Variants in PCDHA10 observed in about 807,000 individuals in gnomAD.
PCDHA10 encodes protocadherin alpha-10.
In PCDHA10, 45 loss-of-function variants were observed where a neutral mutation model predicts 61.2. That is an observed-to-expected ratio of 0.74 (90% CI 0.58 to 0.94). The LOEUF is 0.94. Among genes scored for constraint, PCDHA10 ranks in the 40% least tolerant of loss-of-function variants. PCDHA10 has a pLI of 0.00. For synonymous variants in PCDHA10, 602 were observed against 548.8 expected, an observed-to-expected ratio of 1.10 and a Z score of -1.35; for missense variants, 1,278 against 1,236.2, an observed-to-expected ratio of 1.03 and a Z score of -0.51.
intron 1 of PCDHA10, among the ~76,000 whole-genome samples, chr5:140,942,021 A>C (rs2093219800): frequency 6.6e-6 from 1 of 152,198 alleles, no homozygotes; most frequent in South Asian, 2.1e-4. Context: ...TTTTGGGAAA[A>C]AATAATTCAT....
At chr5:140,860,216 T>C (rs1554153148) in intron 1 of PCDHA10, 2 of 150,242 alleles carry the variant, frequency 1.3e-5, no homozygotes, top group South Asian at 2.1e-4. Flanking sequence ...TATGTACTTA[T>C]GTATATATAA....
At chr5:141,008,923 C>T (rs2098394604) in intron 3 of PCDHA10, among the ~76,000 whole-genome samples, 1 of 152,160 alleles carries the variant, frequency 6.6e-6, no homozygotes. Flanking sequence ...ATTTATTCAG[C>T]TAATTTTTCT....
intron 1 of PCDHA10, among the ~76,000 whole-genome samples, chr5:140,905,599 G>A (rs782355615): frequency 2.0e-5 from 3 of 152,096 alleles, no homozygotes; most frequent in Non-Finnish European, 2.9e-5. Context: ...GCTGGGAATT[G>A]CATTGAATCT....
At chr5:140,967,980 A>C in intron 1 of PCDHA10, 1 of 1,614,198 alleles carries the variant, frequency 6.2e-7, no homozygotes, top group South Asian at 1.1e-5. Context: ...CTGGGTCTGG[A>C]GGCCACACTG....
intron 2 of PCDHA10, 165 bp downstream of exon 2, chr5:140,979,172 G>A (rs1406119348): frequency 2.1e-6 from 2 of 959,890 alleles, no homozygotes; most frequent in Admixed American, 1.2e-4. Context: ...TTGAAAGATC[G>A]CAAATGGTCA....
intron 1 of PCDHA10, among the ~76,000 whole-genome samples, chr5:140,915,001 AGT>A (rs1563002922): frequency 6.9e-6 from 1 of 144,988 alleles, no homozygotes; most frequent in Non-Finnish European, 1.5e-5. Flanking sequence ...GCTGGAGTGC[AGT>A]GGCCTGATCT....
Position 140,857,340 on chromosome 5 carries a change from C to T in PCDHA10, c.1292C>T (p.Ser431Leu), listed in dbSNP as rs782392001. ...ELVVTARDGG[S>L]PPLWATASVS... ...GTGGTGACCGCGCGGGACGGGGGCTCGCCTCCGCTGTGGGCCACGGCCAGC... is the reference window on the plus strand; with the variant it reads ...GTGGTGACCGCGCGGGACGGGGGCTTGCCTCCGCTGTGGGCCACGGCCAGC... The change falls in exon 1 of 4, where the codon TCG (serine) becomes TTG (leucine). Residue 431 changes from serine to leucine, a missense_variant. Physicochemically the swap from Ser to Leu is moderately radical, Grantham distance 145. Coordinates refer to ENST00000307360, the MANE Select transcript of PCDHA10 (RefSeq NM_018901.4). 2.5e-6 allele frequency: 4 copies of T among 1,598,236 alleles called. 1 individual carries two copies. Among genetic ancestry groups the T allele is most frequent in the Non-Finnish European group, 2.6e-6 (3 of 1,167,864 alleles).
At chr5:140,959,935 T>C (rs2095518080) in intron 1 of PCDHA10, among the ~76,000 whole-genome samples, 2 of 152,178 alleles carry the variant, frequency 1.3e-5, no homozygotes, top group African/African-American at 4.8e-5. Context: ...CCCCATTACT[T>C]AGGCAGAATA....
chr5:140,929,499 C>G, intron 1 of PCDHA10: 1 of 980,264 alleles, frequency 1.0e-6, no homozygotes, highest in South Asian at 3.1e-5. Flanking sequence ...GAAGATTGCC[C>G]TAGGCCTCAA....
intron 1 of PCDHA10, among the ~76,000 whole-genome samples, chr5:140,943,312 A>G (rs1229555554): frequency 1.3e-5 from 2 of 150,890 alleles, no homozygotes; most frequent in African/African-American, 2.4e-5. Context: ...AGTCATTATT[A>G]GCAATATTGT....
intron 2 of PCDHA10, among the ~76,000 whole-genome samples, chr5:140,979,939 T>A (rs2096870929): frequency 6.6e-6 from 1 of 152,210 alleles, no homozygotes; most frequent in African/African-American, 2.4e-5. Context: ...ATGTGTAGAG[T>A]TAATGTGAAA....
intron 1 of PCDHA10, among the ~76,000 whole-genome samples, chr5:140,971,158 C>T (rs1554233066): frequency 6.6e-6 from 1 of 152,172 alleles, no homozygotes; most frequent in African/African-American, 2.4e-5. Context: ...AGGCCAGGCT[C>T]AGCTTTGCCA....
At chr5:140,891,644 T>C (rs1554184907) in intron 1 of PCDHA10, among the ~76,000 whole-genome samples, 1 of 152,246 alleles carries the variant, frequency 6.6e-6, no homozygotes, top group Non-Finnish European at 1.5e-5. Context: ...TGGGCTTTAT[T>C]GTGGATAGTT....
At position 141,006,497 on chromosome 5, in the gene PCDHA10, G is replaced by C. The variant is rs575942325; in HGVS notation, c.2537-3130G>C. Among the ~76,000 whole-genome samples the C allele has an allele frequency of 2.6e-5, 4 of 152,288 alleles. No homozygotes were observed. In the South Asian group the frequency reaches 8.3e-4, roughly 32 times the overall value. ...CAAAGTGCTGGGATTACATGTGTGA[G>C]CCACCGCGCCTGGCTGTTATACATC... On this transcript the variant is annotated intron_variant, in intron 3 of 3. Transcript: ENST00000307360.
chr5:140,876,258 C>G lies in PCDHA10; in HGVS notation c.2388+17822C>G, dbSNP rs782047443. ...ATGTCCAAAACGACACAAGAGTGAT[C>G]CAACTAAATGCTTCCGATCCAGACG... On this transcript the variant is annotated intron_variant, in intron 1 of 3. Coordinates refer to ENST00000307360, the MANE Select transcript of PCDHA10 (RefSeq NM_018901.4). 4 of 1,613,968 alleles carry G rather than the reference C, an allele frequency of 2.5e-6. No homozygotes were observed. The East Asian group carries it at 8.9e-5, about 36-fold the overall frequency.
At chr5:140,958,133 G>T (rs1472500802) in intron 1 of PCDHA10, among the ~76,000 whole-genome samples, 2 of 152,046 alleles carry the variant, frequency 1.3e-5, no homozygotes, top group East Asian at 3.8e-4. Flanking sequence ...ATGTATCAGT[G>T]TGTATATTTA....
At chr5:140,883,471 C>G (rs781812025) in intron 1 of PCDHA10, 4 of 1,614,182 alleles carry the variant, frequency 2.5e-6, no homozygotes, top group Non-Finnish European at 3.4e-6. Flanking sequence ...TGTCCACCTA[C>G]AAGAACTACT....
chr5:140,954,978 A>C (rs1268797182), intron 1 of PCDHA10, among the ~76,000 whole-genome samples: 2 of 152,176 alleles, frequency 1.3e-5, no homozygotes, highest in African/African-American at 4.8e-5. Context: ...GTCCAGTTTC[A>C]ATTTTCTGCA....
At chr5:140,930,413 G>A (rs1461655739) in intron 1 of PCDHA10, 1 of 151,722 alleles carries the variant, frequency 6.6e-6, no homozygotes, top group Non-Finnish European at 1.5e-5. Flanking sequence ...TTTGAGACAG[G>A]GGTCTCACTA....
Sources: gnomAD v4.1 joint callset for allele counts (sites outside exome capture counted in the v4.1 genomes callset) on GRCh38, gnomAD v4.1.1 for gene constraint, MANE v1.5 for transcripts, NCBI Gene and HGNC (gene_info 2026-07-23, HGNC 2026-07-21) for gene names.